The following H2BC12 variants were observed in gnomAD, a reference collection of about 807,000 sequenced individuals.
H2BC12 encodes H2B clustered histone 12.
H2BC12 carries 6 observed loss-of-function variants against 6.3 expected under a neutral mutation model. The observed-to-expected ratio is 0.95, with a 90% CI of 0.52 to 1.87. H2BC12 has a LOEUF of 1.87. Among genes scored for constraint, H2BC12 ranks in the 40% most tolerant of loss-of-function variants. The probability of loss-of-function intolerance (pLI) is 0.01; values close to 1 mark genes in which losing one functional copy is unlikely to be tolerated. For missense variants in H2BC12, 119 were observed against 178.4 expected (o/e 0.67, Z 1.90); for synonymous variants, 132 against 78.5 (o/e 1.68, Z -3.60).
chr6:27,144,672 T>C (rs1760049087), downstream of H2BC12, among the ~76,000 whole-genome samples: 1 of 152,116 alleles, frequency 6.6e-6, no homozygotes, highest in Admixed American at 6.5e-5. Flanking sequence ...ATATGTCCAT[T>C]TGCAAAAATA....
chr6:27,146,436 C>T lies in H2BC12; in HGVS notation c.363G>A (p.Lys121=). 1 of 1,614,236 alleles carries T rather than the reference C, an allele frequency of 6.2e-7. No homozygotes were observed. Among genetic ancestry groups the T allele is most frequent in the Non-Finnish European group, 8.5e-7 (1 of 1,180,048 alleles). Residue 121 remains lysine, a synonymous_variant, in exon 1 of 1, where the codon AAG becomes AAA. Transcript: ENST00000356950. The stretch of plus-strand genomic sequence containing the variant: ...GGCAAGTTTACTTAGCGCTGGTGTA[C>T]TTGGTGACGGCCTTGGTGCCCTCGG... The part of the protein sequence containing the change: ...AVSEGTKAVT[K]YTSAK
In H2BC12 at chr6:27,146,612, T is replaced by C. The variant is rs775699863; in HGVS notation, c.187A>G (p.Met63Val). Residue 63 changes from methionine (M) to valine (V), a missense_variant, in exon 1 of 1, where the codon ATG becomes GTG. Around this residue, in one of 2 missense-constraint regions of H2BC12, gnomAD observed 69 missense variants for 141.0 expected, o/e 0.49. Transcript: ENST00000356950. ...TGISSKAMGI[M>V]NSFVNDIFER... ...AAGATGTCGTTGACGAAGGAGTTCA[T>C]GATTCCCATGGCCTTAGAGGAGATG... 1.9e-6 allele frequency: 3 copies of C among 1,614,278 alleles called. No individual in the cohort carries two copies. The highest frequency in any genetic ancestry group is 2.5e-6 in the Non-Finnish European group (3 of 1,180,054).
chr6:27,145,205 G>A (rs977380512), downstream of H2BC12, among the ~76,000 whole-genome samples: 3 of 151,966 alleles, frequency 2.0e-5, no homozygotes, highest in African/African-American at 7.3e-5. Context: ...CATGTATGAA[G>A]TTTTTCAATA....
At chr6:27,142,107 G>A (rs1760013132), downstream of H2BC12, among the ~76,000 whole-genome samples, 1 of 151,988 alleles carries the variant, frequency 6.6e-6, no homozygotes, top group Non-Finnish European at 1.5e-5. Context: ...AATTCCCCAC[G>A]AAAATTTATT....
downstream of H2BC12, among the ~76,000 whole-genome samples, chr6:27,142,265 A>G (rs1027989301): frequency 6.6e-6 from 1 of 152,166 alleles, no homozygotes; most frequent in Non-Finnish European, 1.5e-5. Context: ...CACTATTAAA[A>G]TTAACTTTTT....
Position 27,146,830 on chromosome 6 carries a change from A to C in H2BC12, c.-32T>G, listed in dbSNP as rs370840056. On this transcript the variant is annotated 5_prime_UTR_variant, in exon 1 of 1. Coordinates refer to ENST00000356950, the MANE Select transcript of H2BC12 (RefSeq NM_001312653.2). ...GGCGAACTACGAGCCTGAGACGAGCAGCAGATCGAGAAAACGGGAAGTAAT... is the reference window on the plus strand; with the variant it reads ...GGCGAACTACGAGCCTGAGACGAGCCGCAGATCGAGAAAACGGGAAGTAAT... The C allele has an allele frequency of 6.2e-7, 1 of 1,605,592 alleles. No individual in the cohort carries two copies. Among genetic ancestry groups the C allele is most frequent in the African/African-American group, 1.3e-5 (1 of 74,392 alleles).
the H2BC12 span, chr6:27,139,893 C>T: frequency 2.0e-6 from 1 of 492,588 alleles, no homozygotes; most frequent in Non-Finnish European, 3.6e-6. Context: ...CGGTTTACCG[C>T]TCGGATTAGT....
chr6:27,139,312 T>C, the H2BC12 span: 4 of 1,606,370 alleles, frequency 2.5e-6, no homozygotes. Flanking sequence ...CTTGATAATG[T>C]CAGGACGCGG....
downstream of H2BC12, among the ~76,000 whole-genome samples, chr6:27,144,239 A>C (rs111380108): frequency 0.014 from 2,062 of 152,248 alleles, 50 homozygotes; most frequent in African/African-American, 0.045. Flanking sequence ...AGGCAGGTGG[A>C]TCGCCCAAGG....
At chr6:27,144,018 CAA>C (rs930810552), downstream of H2BC12, among the ~76,000 whole-genome samples, 11 of 151,888 alleles carry the variant, frequency 7.2e-5, no homozygotes, top group African/African-American at 2.2e-4. Context: ...AAATAGATGA[CAA>C]AGAGATATAT....
chr6:27,144,873 T>G (rs1760051357), downstream of H2BC12, among the ~76,000 whole-genome samples: 1 of 152,166 alleles, frequency 6.6e-6, no homozygotes, highest in South Asian at 2.1e-4. Flanking sequence ...CTAGGCTCAC[T>G]GCAACCTTTG....
chr6:27,139,597 A>G, the H2BC12 span: 2 of 1,613,096 alleles, frequency 1.2e-6, no homozygotes, highest in Non-Finnish European at 8.5e-7. Context: ...CCAGGGCCGC[A>G]CCCTCTATGG....
At chr6:27,139,352 G>T in the H2BC12 span, 1 of 1,613,924 alleles carries the variant, frequency 6.2e-7, no homozygotes, top group Non-Finnish European at 8.5e-7. Flanking sequence ...GGGAAAGGGG[G>T]TGCCAAGCGC....
the H2BC12 span, chr6:27,138,692 G>A: frequency 6.6e-6 from 1 of 152,118 alleles, no homozygotes; most frequent in Non-Finnish European, 1.5e-5. Context: ...CTGTATTTGG[G>A]GAAGAGAAAC....
At chr6:27,143,385 A>C (rs1760031442), downstream of H2BC12, among the ~76,000 whole-genome samples, 1 of 152,060 alleles carries the variant, frequency 6.6e-6, no homozygotes. Context: ...CTTCACTTAT[A>C]TTCCTGAAGA....
At chr6:27,142,954 G>A (rs909749505), downstream of H2BC12, among the ~76,000 whole-genome samples, 8 of 151,962 alleles carry the variant, frequency 5.3e-5, no homozygotes, top group African/African-American at 1.5e-4. Context: ...TTCTATTTGA[G>A]TAGTGTCTTA....
downstream of H2BC12, among the ~76,000 whole-genome samples, chr6:27,145,257 C>T (rs76804831): frequency 3.8e-3 from 569 of 151,276 alleles, 1 homozygote; most frequent in African/African-American, 0.011. Flanking sequence ...GGGCAATATC[C>T]CCAAAGACTA....
the H2BC12 span, chr6:27,139,790 A>C: frequency 1.8e-6 from 2 of 1,128,810 alleles, no homozygotes; most frequent in Non-Finnish European, 2.4e-6. Context: ...TGGGCTGATG[A>C]CTACAGGTGA....
the H2BC12 span, chr6:27,140,002 G>A: frequency 2.6e-5 from 5 of 191,580 alleles, no homozygotes; most frequent in Admixed American, 5.6e-5. Flanking sequence ...TGAGTTTGAT[G>A]GGCTCCACTA....
Sources: gnomAD v4.1 joint callset for allele counts (sites outside exome capture counted in the v4.1 genomes callset) on GRCh38, gnomAD v4.1.1 for gene constraint, gnomAD v4.1.1 regional missense constraint, MANE v1.5 for transcripts, NCBI Gene and HGNC (gene_info 2026-07-23, HGNC 2026-07-21) for gene names.